The following PCDHGA4 variants were observed in gnomAD, a reference collection of about 807,000 sequenced individuals.
The protein encoded by PCDHGA4 is protocadherin gamma subfamily A, 4.
In PCDHGA4, 38 loss-of-function variants were observed where a neutral mutation model predicts 54.6. The ratio of observed to expected loss-of-function variants is 0.70; its 90% CI spans 0.54 to 0.91. The LOEUF is 0.91. PCDHGA4 is among the 40% of genes least tolerant of loss of function. The pLI is 0.00. For missense variants in PCDHGA4, 1,298 were observed against 1,220.9 expected, an observed-to-expected ratio of 1.06 and a Z score of -0.94; for synonymous variants, 511 against 512.9, an observed-to-expected ratio of 1.00 and a Z score of 0.05.
chr5:141,423,758 G>C lies in PCDHGA4; in HGVS notation c.2514+66137G>C, dbSNP rs1192987646. 54 of 366,760 alleles carry C rather than the reference G, an allele frequency of 1.5e-4. 3 individuals carry two copies. The highest frequency in any genetic ancestry group is 1.4e-4 in the Non-Finnish European group (36 of 259,732). 22.7% of individuals were successfully genotyped at this position (366,760 alleles called of 1,614,324 possible). A position where few individuals can be genotyped will look rare whatever the true frequency, so the allele number is the denominator to read the frequency against. Reference sequence around the variant, plus strand: ...CTGTTATGAAAACTGTTTGGGGGGGGGGTGGGGCGGCATATATTTAGTTCA... The same window carrying C: ...CTGTTATGAAAACTGTTTGGGGGGGCGGTGGGGCGGCATATATTTAGTTCA... On this transcript the variant is annotated intron_variant, in intron 1 of 3. Transcript: ENST00000571252.
chr5:141,375,139 A>C, intron 1 of PCDHGA4: 1 of 1,613,936 alleles, frequency 6.2e-7, no homozygotes, highest in Non-Finnish European at 8.5e-7. Context: ...TTACATCTGG[A>C]AGCAGAACAA....
chr5:141,388,886 A>G (rs542218864), intron 1 of PCDHGA4: 1 of 1,613,988 alleles, frequency 6.2e-7, no homozygotes, highest in Non-Finnish European at 8.5e-7. Flanking sequence ...TGGAGGTAGA[A>G]GTCATAGATG....
At chr5:141,492,218 T>C (rs2099738354) in intron 1 of PCDHGA4, among the ~76,000 whole-genome samples, 1 of 152,114 alleles carries the variant, frequency 6.6e-6, no homozygotes. Flanking sequence ...GCGGGGCTCA[T>C]GCGTGTCCTC....
chr5:141,414,060 G>C (rs769101242), intron 1 of PCDHGA4: 1 of 1,609,304 alleles, frequency 6.2e-7, no homozygotes, highest in South Asian at 1.1e-5. Flanking sequence ...AATTGTTGAA[G>C]TTCCAACTAA....
chr5:141,425,836 C>T (rs568578402), intron 1 of PCDHGA4, among the ~76,000 whole-genome samples: 1 of 152,344 alleles, frequency 6.6e-6, no homozygotes, highest in East Asian at 1.9e-4. Context: ...TTTAAATTCT[C>T]TTTGCTGGGT....
At chr5:141,430,888 T>C (rs1447560622) in intron 1 of PCDHGA4, 5 of 1,605,402 alleles carry the variant, frequency 3.1e-6, no homozygotes, top group Admixed American at 1.7e-5. Context: ...AGAAAGGCTC[T>C]AGGGTGGGCG....
chr5:141,422,414 A>G (rs2096646645), intron 1 of PCDHGA4: 1 of 1,604,894 alleles, frequency 6.2e-7, no homozygotes, highest in Admixed American at 1.7e-5. Context: ...TTTAAATTAG[A>G]AAAGACTTAT....
chr5:141,432,250 A>T lies in PCDHGA4; in HGVS notation c.2515-62557A>T. ...ATTCCCTGGCTGAGAACACCATCCA[A>T]GGGGCAAGCCTATCGTCCTACGTGT... is the stretch of plus-strand genomic sequence containing the variant. On this transcript the variant is annotated intron_variant, in intron 1 of 3. Transcript: ENST00000571252. This position sits in a 1 kb window ranked among gnomAD's most constrained non-coding sequence, Gnocchi z 6.0. 1 of 1,614,234 alleles carries T rather than the reference A, an allele frequency of 6.2e-7. No homozygotes were observed. Among genetic ancestry groups the T allele is most frequent in the Non-Finnish European group, 8.5e-7 (1 of 1,180,054 alleles).
At chr5:141,374,607 A>C in intron 1 of PCDHGA4, 1 of 1,613,660 alleles carries the variant, frequency 6.2e-7, no homozygotes, top group Non-Finnish European at 8.5e-7. Context: ...CTCAGTGGTA[A>C]TAGTCACTTC....
rs144695545 is a variant in PCDHGA4, at chr5:141,487,156, C to G, written c.2515-7651C>G. ...CACCACTCTCTACCTCTGTTACTCT[C>G]TTAGTGTCCTTAGAGGAAGACACTC... On this transcript the variant is annotated intron_variant, in intron 1 of 3. Transcript: ENST00000571252. This position sits in a 1 kb window ranked among gnomAD's most constrained non-coding sequence, Gnocchi z 5.0. 105 of 1,613,896 alleles carry G rather than the reference C, an allele frequency of 6.5e-5. No homozygotes were observed. In the African/African-American group the frequency reaches 1.2e-3, roughly 18 times the overall value.
chr5:141,403,358 G>A (rs1031210052), intron 1 of PCDHGA4: 1 of 1,614,026 alleles, frequency 6.2e-7, no homozygotes. Flanking sequence ...GTTCCAGGCC[G>A]AAAGTCTGGA....
intron 1 of PCDHGA4, chr5:141,408,397 G>T: frequency 6.2e-7 from 1 of 1,614,068 alleles, no homozygotes; most frequent in Non-Finnish European, 8.5e-7. Context: ...CGGCTCGCAA[G>T]CTGCGAGTGA....
At chr5:141,422,588 C>A in intron 1 of PCDHGA4, 1 of 1,614,056 alleles carries the variant, frequency 6.2e-7, no homozygotes, top group South Asian at 1.1e-5. Flanking sequence ...CCCGTTTTTC[C>A]TCACTCCTCT....
chr5:141,372,040 G>T, intron 1 of PCDHGA4: 1 of 1,613,472 alleles, frequency 6.2e-7, no homozygotes, highest in Non-Finnish European at 8.5e-7. Flanking sequence ...GTGAGCCTGC[G>T]CGTGTTGGTG....
rs369595307 is a variant in PCDHGA4, at chr5:141,394,005, A to G, written c.2514+36384A>G. On this transcript the variant is annotated intron_variant, in intron 1 of 3. Coordinates refer to ENST00000571252, the MANE Select transcript of PCDHGA4 (RefSeq NM_018917.4). ...TTTACCTTTTAAATTAGAAAAGTCA[A>G]TAGGTAATTATTATAGATTAGTGAC... 52 of 1,613,340 alleles carry G rather than the reference A, an allele frequency of 3.2e-5. No individual in the cohort carries two copies. In the African/African-American group the frequency reaches 5.6e-4, roughly 17 times the overall value.
intron 1 of PCDHGA4, among the ~76,000 whole-genome samples, chr5:141,436,150 T>A (rs1270913305): frequency 6.6e-6 from 1 of 152,182 alleles, no homozygotes; most frequent in African/African-American, 2.4e-5. Flanking sequence ...ACTACCAAAA[T>A]GTTTATCATA....
At position 141,432,686 on chromosome 5, in the gene PCDHGA4, G is replaced by T. The variant is rs2097528577; in HGVS notation, c.2515-62121G>T. ...CAGAGACGCGCTCAAGCAGAGCCTC[G>T]TAGTGGCCGTCCAGGACCACGGCCA... On this transcript the variant is annotated intron_variant, in intron 1 of 3. Transcript: ENST00000571252. The surrounding 1 kb of genome is among the most constrained non-coding windows in gnomAD (Gnocchi z 6.0). 6.2e-7 allele frequency: 1 copy of T among 1,613,922 alleles called. No individual in the cohort carries two copies. Among genetic ancestry groups the T allele is most frequent in the Non-Finnish European group, 8.5e-7 (1 of 1,179,968 alleles).
At chr5:141,385,891 T>C (rs1366389515) in intron 1 of PCDHGA4, 2 of 152,892 alleles carry the variant, frequency 1.3e-5, no homozygotes, top group African/African-American at 4.8e-5. Flanking sequence ...AAGAATGAAA[T>C]GTGTGTGTAT....
At chr5:141,447,371 C>G (rs1180989888) in intron 1 of PCDHGA4, among the ~76,000 whole-genome samples, 1 of 151,826 alleles carries the variant, frequency 6.6e-6, no homozygotes, top group African/African-American at 2.4e-5. Context: ...ACTCCTGACC[C>G]TGGTGATCTG....
Sources: gnomAD v4.1 joint callset for allele counts (sites outside exome capture counted in the v4.1 genomes callset) on GRCh38, gnomAD v4.1.1 for gene constraint, Gnocchi (gnomAD v3.1) non-coding constraint, MANE v1.5 for transcripts, NCBI Gene and HGNC (gene_info 2026-07-23, HGNC 2026-07-21) for gene names.